SHROOM3: variants seen among roughly 807,000 people sequenced by gnomAD.
The protein encoded by SHROOM3 is protein Shroom3.
A neutral mutation model predicts 138.6 loss-of-function variants in SHROOM3; 47 were observed. The ratio of observed to expected loss-of-function variants is 0.34; its 90% CI spans 0.27 to 0.43. The LOEUF (loss-of-function observed/expected upper bound fraction) is 0.43, where lower values mean the gene tolerates loss of function less well. SHROOM3 is among the 20% of genes least tolerant of loss of function. The pLI is 1.00. For synonymous variants in SHROOM3, 1,062 were observed against 1,063.3 expected (o/e 1.00, Z 0.02); for missense variants, 2,491 against 2,596.5 (o/e 0.96, Z 0.88).
At chr4:76,545,458 C>T (rs1037555524) in intron 1 of SHROOM3, among the ~76,000 whole-genome samples, 5 of 152,134 alleles carry the variant, frequency 3.3e-5, no homozygotes, top group Non-Finnish European at 7.3e-5. Context: ...GCTCTGGGAC[C>T]TCTCTCTGAA....
chr4:76,473,395 G>A (rs1258790320), intron 1 of SHROOM3, among the ~76,000 whole-genome samples: 2 of 152,104 alleles, frequency 1.3e-5, no homozygotes, highest in Non-Finnish European at 2.9e-5. Flanking sequence ...ATTGCTTGAG[G>A]CCAGGAGTTT....
chr4:76,589,400 G>A (rs1025671151), intron 2 of SHROOM3, among the ~76,000 whole-genome samples: 6 of 152,058 alleles, frequency 3.9e-5, no homozygotes, highest in Non-Finnish European at 7.3e-5. Context: ...CCAGAAGGCG[G>A]AGGTTGCAGT....
intron 1 of SHROOM3, among the ~76,000 whole-genome samples, chr4:76,442,545 G>T (rs944187671): frequency 2.6e-5 from 4 of 151,890 alleles, no homozygotes; most frequent in African/African-American, 7.3e-5. Flanking sequence ...GAGTAGCAGG[G>T]ACTATAGGCG....
intron 2 of SHROOM3, among the ~76,000 whole-genome samples, chr4:76,669,339 G>T (rs1260381686): frequency 6.6e-6 from 1 of 152,102 alleles, no homozygotes; most frequent in Non-Finnish European, 1.5e-5. Flanking sequence ...GTAATCCTAT[G>T]GCTGGACTCA....
chr4:76,477,813 A>T (rs986487912), intron 1 of SHROOM3, among the ~76,000 whole-genome samples: 2 of 152,170 alleles, frequency 1.3e-5, no homozygotes, highest in Non-Finnish European at 2.9e-5. Flanking sequence ...CAGTGGGTGC[A>T]GCCCATGGAG....
Position 76,754,370 on chromosome 4 carries a change from C to T in SHROOM3, c.3887C>T (p.Thr1296Ile), listed in dbSNP as rs759255124. The T allele has an allele frequency of 6.2e-7, 1 of 1,614,162 alleles. No individual in the cohort carries two copies. Among genetic ancestry groups the T allele is most frequent in the Admixed American group, 1.7e-5 (1 of 60,032 alleles). The change falls in exon 7 of 11, where the codon ACC (threonine) becomes ATC (isoleucine). Residue 1296 changes from threonine to isoleucine, a missense_variant. Transcript: ENST00000296043. Reference sequence around the variant, plus strand: ...ATGCTGCCGCTCTTCCACCATCTCACCCCTCGTTGGGGTGGTTCAGGCTGC... The same window carrying T: ...ATGCTGCCGCTCTTCCACCATCTCATCCCTCGTTGGGGTGGTTCAGGCTGC... ...EEMLPLFHHLTPRWGGSGCKA... is the reference protein window; with the variant it reads ...EEMLPLFHHLIPRWGGSGCKA...
At chr4:76,493,765 G>A (rs1236528682) in intron 1 of SHROOM3, among the ~76,000 whole-genome samples, 1 of 152,218 alleles carries the variant, frequency 6.6e-6, no homozygotes, top group Admixed American at 6.5e-5. Flanking sequence ...CGGATCACAA[G>A]GTCAGGAGTT....
intron 1 of SHROOM3, among the ~76,000 whole-genome samples, chr4:76,541,104 C>T (rs776008835): frequency 1.2e-4 from 18 of 152,092 alleles, no homozygotes; most frequent in South Asian, 2.1e-4. Flanking sequence ...ATTTGTAAAA[C>T]GTTTTACATA....
At chr4:76,588,432 C>G (rs1734194282) in intron 2 of SHROOM3, among the ~76,000 whole-genome samples, 1 of 152,142 alleles carries the variant, frequency 6.6e-6, no homozygotes. Flanking sequence ...AGGGTCCCTA[C>G]TGGTGCTGTG....
At chr4:76,498,742 C>A (rs760073741) in intron 1 of SHROOM3, among the ~76,000 whole-genome samples, 3 of 151,986 alleles carry the variant, frequency 2.0e-5, no homozygotes, top group Non-Finnish European at 4.4e-5. Context: ...GAACTTTGCC[C>A]TTTTGGTGTG....
At chr4:76,468,020 G>A (rs1010978404) in intron 1 of SHROOM3, among the ~76,000 whole-genome samples, 11 of 152,178 alleles carry the variant, frequency 7.2e-5, no homozygotes, top group African/African-American at 2.7e-4. Flanking sequence ...TAACATAAGG[G>A]GCATAGAATG....
chr4:76,443,026 C>T (rs965424990), intron 1 of SHROOM3, among the ~76,000 whole-genome samples: 2 of 152,128 alleles, frequency 1.3e-5, no homozygotes, highest in African/African-American at 4.8e-5. Flanking sequence ...AAGTTGGGCT[C>T]AGTCTGACCA....
At chr4:76,567,209 T>G (rs182240763) in intron 2 of SHROOM3, among the ~76,000 whole-genome samples, 22 of 152,222 alleles carry the variant, frequency 1.4e-4, no homozygotes, top group South Asian at 4.1e-4. Flanking sequence ...GTTGTTTTCA[T>G]GAAGACTGTG....
At chr4:76,713,389 A>G (rs1720287613) in intron 3 of SHROOM3, among the ~76,000 whole-genome samples, 1 of 152,030 alleles carries the variant, frequency 6.6e-6, no homozygotes, top group African/African-American at 2.4e-5. Flanking sequence ...CACACACTCT[A>G]GCCTAGGCCA....
intron 1 of SHROOM3, among the ~76,000 whole-genome samples, chr4:76,463,813 G>C (rs1731191421): frequency 6.6e-6 from 1 of 152,248 alleles, no homozygotes; most frequent in African/African-American, 2.4e-5. Flanking sequence ...AACCTTGGCA[G>C]TTTCTACATG....
chr4:76,623,817 C>G (rs1735059304), intron 2 of SHROOM3, among the ~76,000 whole-genome samples: 2 of 152,164 alleles, frequency 1.3e-5, no homozygotes. Flanking sequence ...ATTGAATGAA[C>G]ACGCCTGGGA....
At chr4:76,583,442 C>T in intron 2 of SHROOM3, among the ~76,000 whole-genome samples, 1 of 152,164 alleles carries the variant, frequency 6.6e-6, no homozygotes, top group Non-Finnish European at 1.5e-5. Context: ...GTAGACCAAG[C>T]ACTATGCTAA....
intron 2 of SHROOM3, among the ~76,000 whole-genome samples, chr4:76,660,404 CT>C (rs1227660250): frequency 6.6e-6 from 1 of 152,080 alleles, no homozygotes; most frequent in Non-Finnish European, 1.5e-5. Flanking sequence ...ATAGCTACCC[CT>C]AGGAGAGAGT....
At chr4:76,536,638 G>A (rs574323499) in intron 1 of SHROOM3, among the ~76,000 whole-genome samples, 1 of 152,226 alleles carries the variant, frequency 6.6e-6, no homozygotes, top group African/African-American at 2.4e-5. Context: ...CATCCCAAAG[G>A]TTATAAGAAT....
Sources: gnomAD v4.1 joint callset for allele counts (sites outside exome capture counted in the v4.1 genomes callset) on GRCh38, gnomAD v4.1.1 for gene constraint, MANE v1.5 for transcripts, NCBI Gene and HGNC (gene_info 2026-07-23, HGNC 2026-07-21) for gene names.